The following DEPDC5 variants were observed in gnomAD, a reference collection of about 807,000 sequenced individuals.
DEPDC5 encodes the protein GATOR1 complex protein DEPDC5.
DEPDC5 carries 73 observed loss-of-function variants against 217.3 expected under a neutral mutation model. That is an observed-to-expected ratio of 0.34 (90% CI 0.28 to 0.41). The LOEUF is 0.41. Ranked by LOEUF, DEPDC5 falls within the 10% of genes least tolerant of loss-of-function variation. The pLI, the probability that DEPDC5 is intolerant of heterozygous loss-of-function variation, is 1.00. For missense variants in DEPDC5, 1,675 were observed against 2,070.1 expected (o/e 0.81, Z 3.70); for synonymous variants, 733 against 756.7 (o/e 0.97, Z 0.51).
chr22:31,783,814 CTG>C lies in DEPDC5; in HGVS notation c.484-91_484-90del, dbSNP rs1488245261. 5 of 1,046,514 alleles carry C rather than the reference CTG, an allele frequency of 4.8e-6. No individual in the cohort carries two copies. In the East Asian group the frequency reaches 1.2e-4, roughly 26 times the overall value. The allele number at this position is 1,046,514 out of a possible 1,614,324, so 64.8% of individuals were successfully genotyped here. A position where few individuals can be genotyped will look rare whatever the true frequency, so the allele number is the denominator to read the frequency against. On this transcript the variant is annotated intron_variant, in intron 8 of 42. Transcript: ENST00000651528. The stretch of plus-strand genomic sequence containing the variant: ...TTCAATAGTGTTAAGAACATTTACA[CTG>C]TTGTGAAGCAGATCTTCAGAACTTT...
intron 8 of DEPDC5, among the ~76,000 whole-genome samples, chr22:31,779,508 AG>A (rs1476122795): frequency 4.6e-5 from 7 of 152,216 alleles, no homozygotes; most frequent in Non-Finnish European, 8.8e-5. Flanking sequence ...GTGAGGAGAT[AG>A]GCAGGTTCCA....
chr22:31,847,705 A>G (rs1254905944), intron 31 of DEPDC5, among the ~76,000 whole-genome samples: 1 of 152,188 alleles, frequency 6.6e-6, no homozygotes, highest in African/African-American at 2.4e-5. Flanking sequence ...TATGGGAACC[A>G]TAACTCAAGA....
At position 31,864,391 on chromosome 22, in the gene DEPDC5, C is replaced by G. The variant is rs1182006595; in HGVS notation, c.3330+2958C>G. Among the ~76,000 whole-genome samples the G allele has an allele frequency of 2.7e-5, 4 of 150,682 alleles. No individual in the cohort carries two copies. In the East Asian group the frequency reaches 5.9e-4, roughly 22 times the overall value. On this transcript the variant is annotated intron_variant, in intron 33 of 42. Coordinates refer to ENST00000651528, the MANE Select transcript of DEPDC5 (RefSeq NM_001242896.3). ...AAAGTGCTGGGATTACAGGCAGGAG[C>G]CACCACCACACCTGGCCCAGATGGC...
intron 38 of DEPDC5, among the ~76,000 whole-genome samples, chr22:31,884,633 C>T (rs919953673): frequency 2.6e-5 from 4 of 152,150 alleles, no homozygotes. Flanking sequence ...TCAGCCTGCC[C>T]TCATCTCCAT....
chr22:31,812,517 C>T (rs1249788550), intron 20 of DEPDC5, among the ~76,000 whole-genome samples: 5 of 149,562 alleles, frequency 3.3e-5, no homozygotes, highest in Non-Finnish European at 5.9e-5. Context: ...CTCTGCCTCC[C>T]AGCTTCGCAC....
chr22:31,774,098 C>A (rs1254291364), intron 7 of DEPDC5, among the ~76,000 whole-genome samples: 1 of 151,836 alleles, frequency 6.6e-6, no homozygotes, highest in Non-Finnish European at 1.5e-5. Context: ...ACAACAACAA[C>A]AACAAAAAAT....
intron 7 of DEPDC5, among the ~76,000 whole-genome samples, chr22:31,773,859 G>A (rs1569515316): frequency 2.0e-5 from 3 of 152,108 alleles, no homozygotes. Context: ...ATTACCTGAG[G>A]TCAGGGGTTC....
chr22:31,813,405 G>A (rs1285392371), intron 20 of DEPDC5, among the ~76,000 whole-genome samples: 1 of 152,154 alleles, frequency 6.6e-6, no homozygotes, highest in African/African-American at 2.4e-5. Context: ...CTTCACACAT[G>A]GCTAAGCGTA....
intron 10 of DEPDC5, among the ~76,000 whole-genome samples, chr22:31,790,165 T>C (rs2085455033): frequency 6.6e-6 from 1 of 152,206 alleles, no homozygotes; most frequent in Non-Finnish European, 1.5e-5. Context: ...AGCACTCTGC[T>C]CTGGGTACTG....
At position 31,792,725 on chromosome 22, in the gene DEPDC5, C is replaced by A; in HGVS notation, c.695-20C>A. On this transcript the variant is annotated intron_variant, in intron 11 of 42. Coordinates refer to ENST00000651528, the MANE Select transcript of DEPDC5 (RefSeq NM_001242896.3). ...TTCTCTTCTCAGCCTGAACTACATA[C>A]TCCGTTTTCTCTATTTCAGATGAAT... 6.6e-7 allele frequency: 1 copy of A among 1,512,414 alleles called. No individual in the cohort carries two copies. The highest frequency in any genetic ancestry group is 8.8e-7 in the Non-Finnish European group (1 of 1,135,066). The allele number at this position is 1,512,414 out of a possible 1,614,324, so 93.7% of individuals were successfully genotyped here. A position where few individuals can be genotyped will look rare whatever the true frequency, so the allele number is the denominator to read the frequency against.
rs1045767465 is a variant in DEPDC5 at position 31,857,558 on chromosome 22, AG to A, written c.3264+7del. 9 of 1,605,334 alleles carry A rather than the reference AG, an allele frequency of 5.6e-6. No individual in the cohort carries two copies. In the African/African-American group the frequency reaches 1.2e-4, roughly 21 times the overall value. ...TACATGGACAGCCCACGAAAGGTAA[AG>A]GAAGCCGCGGTAGCAGGGAGCTGTT... On this transcript the variant is annotated splice_donor_region_variant and intron_variant, in intron 32 of 42. Transcript: ENST00000651528.
In DEPDC5 at chr22:31,906,096, T is replaced by G; in HGVS notation, c.4519+30T>G. The G allele has an allele frequency of 1.2e-6, 2 of 1,613,732 alleles. No individual in the cohort carries two copies. Among genetic ancestry groups the G allele is most frequent in the Non-Finnish European group, 1.7e-6 (2 of 1,179,788 alleles). On this transcript the variant is annotated intron_variant, in intron 42 of 42. Coordinates refer to ENST00000651528, the MANE Select transcript of DEPDC5 (RefSeq NM_001242896.3). The surrounding 1 kb of genome is among the most constrained non-coding windows in gnomAD (Gnocchi z 5.1). ...GGAGCTACGGGCAGAGTTGGGCAGG[T>G]GGGTCCACATCCCTTTCCTTGCACC...
intron 40 of DEPDC5, among the ~76,000 whole-genome samples, chr22:31,898,469 G>A (rs1355062414): frequency 1.3e-5 from 2 of 152,196 alleles, no homozygotes; most frequent in African/African-American, 2.4e-5. Context: ...AGCTAGGGTT[G>A]ATGCTGATAC....
At chr22:31,795,547 C>T (rs1453150384) in intron 12 of DEPDC5, among the ~76,000 whole-genome samples, 1 of 149,810 alleles carries the variant, frequency 6.7e-6, no homozygotes, top group East Asian at 2.0e-4. Flanking sequence ...GCACCCGCCA[C>T]CATGCCTGGT....
At chr22:31,796,995 TC>T (rs1231518813) in intron 12 of DEPDC5, among the ~76,000 whole-genome samples, 55 of 147,996 alleles carry the variant, frequency 3.7e-4, no homozygotes, top group South Asian at 2.0e-3. Flanking sequence ...ATGCCCAGCC[TC>T]TTTTTTTTTT....
intron 2 of DEPDC5, chr22:31,755,197 G>C (rs969038501): frequency 1.4e-5 from 7 of 506,016 alleles, no homozygotes; most frequent in African/African-American, 1.4e-4. Flanking sequence ...AATGCTGCCG[G>C]TTTACTACCC....
At chr22:31,815,303 T>A in intron 21 of DEPDC5, 91 bp downstream of exon 21, 2 of 1,339,936 alleles carry the variant, frequency 1.5e-6, no homozygotes, top group Admixed American at 3.7e-5. Flanking sequence ...AGGTGGGGTG[T>A]AAATCCCACA....
rs1430081902 is a variant in DEPDC5 at position 31,806,146 on chromosome 22, C to T, written c.1242C>T (p.Leu414=). ...NHSFYTSKSQ[L]FCNSFTPRIK... ...GTTTCTACACATCCAAAAGCCAGCT[C>T]TTTTGTAATAGTTTCACCCCACGAA... is the stretch of plus-strand genomic sequence containing the variant. Residue 414 remains leucine, a synonymous_variant, in exon 18 of 43, where the codon CTC becomes CTT. Transcript: ENST00000651528. The T allele has an allele frequency of 1.2e-6, 2 of 1,613,926 alleles. No homozygotes were observed. Among genetic ancestry groups the T allele is most frequent in the South Asian group, 1.1e-5 (1 of 91,058 alleles).
In DEPDC5 at chr22:31,802,825, G is replaced by C. The variant is rs2087022097; in HGVS notation, c.1068G>C (p.Arg356=). The change falls in exon 15 of 43, where the codon CGG becomes CGC. Residue 356 remains arginine, a synonymous_variant. Coordinates refer to ENST00000651528, the MANE Select transcript of DEPDC5 (RefSeq NM_001242896.3). ...TACTCATGATCCTGACCAAGCAGCG[G>C]ATGATAGATAATGGTAATGCTCTCT... is the stretch of plus-strand genomic sequence containing the variant. ...DRLLMILTKQ[R]MIDNGIGVDL... The C allele has an allele frequency of 1.2e-6, 2 of 1,603,112 alleles. No individual in the cohort carries two copies. The highest frequency in any genetic ancestry group is 4.5e-5 in the East Asian group (2 of 44,330).
Sources: gnomAD v4.1 joint callset for allele counts (sites outside exome capture counted in the v4.1 genomes callset) on GRCh38, gnomAD v4.1.1 for gene constraint, Gnocchi (gnomAD v3.1) non-coding constraint, MANE v1.5 for transcripts, NCBI Gene and HGNC (gene_info 2026-07-23, HGNC 2026-07-21) for gene names.